COMMD10: variants seen among roughly 807,000 people sequenced by gnomAD.
The protein encoded by COMMD10 is COMM domain-containing protein 10.
COMMD10 carries 33 observed loss-of-function variants against 28.9 expected under a neutral mutation model. The ratio of observed to expected loss-of-function variants is 1.14; its 90% CI spans 0.87 to 1.53. COMMD10 has a LOEUF of 1.53. Ranked by LOEUF, COMMD10 falls within the 40% of genes most tolerant of loss-of-function variation. The pLI is 0.00. For missense variants in COMMD10, 310 were observed against 233.4 expected, an observed-to-expected ratio of 1.33 and a Z score of -2.14; for synonymous variants, 110 against 81.7, an observed-to-expected ratio of 1.35 and a Z score of -1.87.
Position 116,268,442 on chromosome 5 carries a change from C to T in COMMD10, c.511-23075C>T, listed in dbSNP as rs530229794. On this transcript the variant is annotated intron_variant, in intron 5 of 6. Coordinates refer to ENST00000274458, the MANE Select transcript of COMMD10 (RefSeq NM_016144.4). Reference sequence around the variant, plus strand: ...GTTAGAATGGCAATCATTAAAAAGTCAGGAAACAACAGGTGCTGGAGAGGA... The same window carrying T: ...GTTAGAATGGCAATCATTAAAAAGTTAGGAAACAACAGGTGCTGGAGAGGA... Among the ~76,000 whole-genome samples, 226 of 151,968 alleles carry T rather than the reference C, an allele frequency of 1.5e-3. 11 individuals are homozygous for T. Among genetic ancestry groups the T allele is most frequent in the African/African-American group, 5.3e-3 (220 of 41,264 alleles).
chr5:116,118,351 TG>T (rs1466846642), intron 4 of COMMD10, among the ~76,000 whole-genome samples: 2 of 152,248 alleles, frequency 1.3e-5, no homozygotes, highest in African/African-American at 4.8e-5. Flanking sequence ...CAATAATTTT[TG>T]TCTGTTTGTT....
chr5:116,218,323 T>C (rs564459455), intron 5 of COMMD10: 45 of 686,012 alleles, frequency 6.6e-5, no homozygotes, highest in Non-Finnish European at 9.8e-5. Flanking sequence ...TGGTGGGACA[T>C]AGGCACTGGG....
chr5:116,189,602 C>T (rs886220817), intron 5 of COMMD10, among the ~76,000 whole-genome samples: 1 of 152,152 alleles, frequency 6.6e-6, no homozygotes, highest in Admixed American at 6.5e-5. Context: ...TAGTACAATT[C>T]TCTTGGAAAA....
rs1388732050 is a variant in COMMD10, at chr5:116,115,601, A to G, written c.400-18467A>G. 2.6e-5 allele frequency among the ~76,000 whole-genome samples: 4 copies of G among 152,208 alleles called. No individual in the cohort carries two copies. In the East Asian group the frequency reaches 7.7e-4, roughly 29 times the overall value. The stretch of plus-strand genomic sequence containing the variant: ...TTTTCTGTTTGATTTTGTTGTTGTA[A>G]TACCTATGTGTTCATAACATTTATT... On this transcript the variant is annotated intron_variant, in intron 4 of 6. Coordinates refer to ENST00000274458, the MANE Select transcript of COMMD10 (RefSeq NM_016144.4).
chr5:116,207,371 A>C (rs1748840161), intron 5 of COMMD10, among the ~76,000 whole-genome samples: 1 of 152,190 alleles, frequency 6.6e-6, no homozygotes. Context: ...AGAGAAGGAC[A>C]TGAATATAGT....
At chr5:116,224,670 C>T (rs945095035) in intron 5 of COMMD10, among the ~76,000 whole-genome samples, 1 of 152,176 alleles carries the variant, frequency 6.6e-6, no homozygotes, top group African/African-American at 2.4e-5. Context: ...GATCTTCCCC[C>T]AAGCCCCAAA....
At chr5:116,175,105 T>C (rs1580520695) in intron 5 of COMMD10, among the ~76,000 whole-genome samples, 1 of 152,172 alleles carries the variant, frequency 6.6e-6, no homozygotes, top group Admixed American at 6.6e-5. Flanking sequence ...GAGTGGACTT[T>C]TCTCACCACC....
chr5:116,196,435 TCTC>T (rs1248846391), intron 5 of COMMD10, among the ~76,000 whole-genome samples: 1 of 151,560 alleles, frequency 6.6e-6, no homozygotes, highest in East Asian at 1.9e-4. Flanking sequence ...ATCTCACAAA[TCTC>T]CACTAAAGAA....
intron 5 of COMMD10, among the ~76,000 whole-genome samples, chr5:116,167,649 C>T (rs1753175469): frequency 6.6e-6 from 1 of 152,156 alleles, no homozygotes; most frequent in Non-Finnish European, 1.5e-5. Context: ...AGAAACCCTA[C>T]AAGCCAGAAG....
At chr5:116,250,644 A>G (rs1350068192) in intron 5 of COMMD10, among the ~76,000 whole-genome samples, 1 of 151,800 alleles carries the variant, frequency 6.6e-6, no homozygotes, top group Non-Finnish European at 1.5e-5. Context: ...TCAAGAAATT[A>G]CTAGGAGAAG....
intron 4 of COMMD10, among the ~76,000 whole-genome samples, chr5:116,111,566 TG>T (rs1177935560): frequency 1.3e-5 from 2 of 150,956 alleles, no homozygotes; most frequent in Non-Finnish European, 1.5e-5. Flanking sequence ...TTTCTGTATT[TG>T]TATAGTTTCC....
intron 4 of COMMD10, among the ~76,000 whole-genome samples, chr5:116,123,574 C>G (rs1320477286): frequency 6.6e-6 from 1 of 152,142 alleles, no homozygotes; most frequent in Non-Finnish European, 1.5e-5. Flanking sequence ...CAAGATGATG[C>G]TGGCCTCATA....
At chr5:116,164,349 A>T (rs1753023067) in intron 5 of COMMD10, among the ~76,000 whole-genome samples, 1 of 151,708 alleles carries the variant, frequency 6.6e-6, no homozygotes, top group Non-Finnish European at 1.5e-5. Flanking sequence ...ATAAAAAACC[A>T]CTCTGGATTA....
At chr5:116,177,113 A>G (rs897134275) in intron 5 of COMMD10, among the ~76,000 whole-genome samples, 2 of 152,072 alleles carry the variant, frequency 1.3e-5, no homozygotes, top group Non-Finnish European at 2.9e-5. Context: ...GATAGGTAGC[A>G]TGTTCTAGAT....
chr5:116,217,167 G>C (rs2112569), intron 5 of COMMD10, among the ~76,000 whole-genome samples: 54,368 of 148,834 alleles, frequency 0.37, 12,057 homozygotes, highest in African/African-American at 0.63. Flanking sequence ...AAAAGTCCCC[G>C]CAATCCCACT....
intron 5 of COMMD10, among the ~76,000 whole-genome samples, chr5:116,256,642 A>G (rs756937407): frequency 1.3e-5 from 2 of 151,736 alleles, no homozygotes; most frequent in Non-Finnish European, 2.9e-5. Flanking sequence ...GGATTTTTTC[A>G]TATTTTGTAA....
At chr5:116,233,663 G>C (rs1031364) in intron 5 of COMMD10, among the ~76,000 whole-genome samples, 4 of 151,966 alleles carry the variant, frequency 2.6e-5, no homozygotes, top group Non-Finnish European at 5.9e-5. Flanking sequence ...AAACCACGAG[G>C]AATGTTCTGG....
At chr5:116,228,253 C>G (rs1178458847) in intron 5 of COMMD10, among the ~76,000 whole-genome samples, 3 of 151,808 alleles carry the variant, frequency 2.0e-5, no homozygotes, top group Non-Finnish European at 4.4e-5. Flanking sequence ...CCTTTAAAAA[C>G]TGAGAAGAAA....
intron 4 of COMMD10, among the ~76,000 whole-genome samples, chr5:116,131,788 A>T (rs1322984434): frequency 6.6e-6 from 1 of 152,030 alleles, no homozygotes; most frequent in East Asian, 1.9e-4. Flanking sequence ...TGCTGAGGGA[A>T]CAGAGTAGCA....
Sources: allele counts gnomAD v4.1 joint callset (sites outside exome capture counted in the v4.1 genomes callset), GRCh38; gene constraint gnomAD v4.1.1; transcripts MANE v1.5; gene names NCBI Gene and HGNC (gene_info 2026-07-23, HGNC 2026-07-21).